The following AMOT variants were observed in gnomAD, a reference collection of about 807,000 sequenced individuals.
AMOT encodes angiomotin.
Under a neutral mutation model 67.0 loss-of-function variants are expected in AMOT, and 11 were observed. The ratio of observed to expected loss-of-function variants is 0.16; its 90% CI spans 0.10 to 0.27. The LOEUF (loss-of-function observed/expected upper bound fraction) is 0.27. AMOT is among the 10% of genes least tolerant of loss of function. AMOT has a pLI of 1.00. For missense variants in AMOT, 753 were observed against 852.0 expected, an observed-to-expected ratio of 0.88 and a Z score of 1.45; for synonymous variants, 326 against 321.4, an observed-to-expected ratio of 1.01 and a Z score of -0.15.
chrX:112,827,757 A>T (rs182867747), intron 2 of AMOT, among the ~76,000 whole-genome samples: 135 of 111,565 alleles, frequency 1.2e-3, no homozygotes, highest in Non-Finnish European at 1.7e-3. Context: ...AAGTCCCAGA[A>T]AATCAACATT....
In AMOT at chrX:112,784,740, G is replaced by A. The variant is rs777544294; in HGVS notation, c.2118-2078C>T. Among the ~76,000 whole-genome samples, 138 of 112,560 alleles carry A rather than the reference G, an allele frequency of 1.2e-3. 6 individuals carry two copies. Among genetic ancestry groups the A allele is most frequent in the Non-Finnish European group, 8.1e-4 (43 of 53,249 alleles). ...GAATTCCAGCTCTTGGTAAAATCCT[G>A]GAAGCAATTCCTGTACTGCAGAATT... is the stretch of plus-strand genomic sequence containing the variant. On this transcript the variant is annotated intron_variant, in intron 10 of 13. Coordinates refer to ENST00000371959, the MANE Select transcript of AMOT (RefSeq NM_001113490.2).
chrX:112,792,507 C>T (rs1933647597), intron 8 of AMOT, among the ~76,000 whole-genome samples: 1 of 112,332 alleles, frequency 8.9e-6, no homozygotes, highest in Non-Finnish European at 1.9e-5. Context: ...GCTGAAGGTA[C>T]AAGAAAGTCA....
intron 1 of AMOT, among the ~76,000 whole-genome samples, chrX:112,839,063 G>T (rs1232067415): frequency 1.8e-5 from 2 of 112,040 alleles, no homozygotes; most frequent in Non-Finnish European, 3.8e-5. Context: ...TAAAATTGTC[G>T]CCCTTCTCTA....
At chrX:112,812,828 G>C in intron 5 of AMOT, among the ~76,000 whole-genome samples, 1 of 111,981 alleles carries the variant, frequency 8.9e-6, no homozygotes, top group East Asian at 2.8e-4. Context: ...GATTCAACCC[G>C]CCTCCATCTC....
intron 10 of AMOT, among the ~76,000 whole-genome samples, chrX:112,790,221 T>C (rs946929091): frequency 9.3e-6 from 1 of 107,919 alleles, no homozygotes; most frequent in African/African-American, 3.4e-5. Context: ...AGTTTCTGAG[T>C]GGTAGTTTCT....
At chrX:112,831,986 G>A (rs1343124910) in intron 2 of AMOT, among the ~76,000 whole-genome samples, 1 of 111,351 alleles carries the variant, frequency 9.0e-6, no homozygotes, top group Non-Finnish European at 1.9e-5. Flanking sequence ...CTGTAGTGTG[G>A]AGAGAAAAAA....
At chrX:112,826,825 TTC>T (rs1347138565) in intron 2 of AMOT, among the ~76,000 whole-genome samples, 1 of 112,078 alleles carries the variant, frequency 8.9e-6, no homozygotes, top group African/African-American at 3.2e-5. Flanking sequence ...TCTTACTCTC[TTC>T]TCTCAATTCT....
chrX:112,791,736 C>T (rs1379384992), intron 9 of AMOT, 96 bp downstream of exon 9: 2 of 1,054,912 alleles, frequency 1.9e-6, no homozygotes, highest in Non-Finnish European at 2.6e-6. Flanking sequence ...TGTGTGCTTT[C>T]AGTGTTCATG....
Position 112,815,383 on chromosome X carries a change from T to A in AMOT, c.1367A>T (p.Tyr456Phe). 1 of 1,210,951 alleles carries A rather than the reference T, an allele frequency of 8.3e-7. No individual in the cohort carries two copies. The highest frequency in any genetic ancestry group is 1.1e-6 in the Non-Finnish European group (1 of 895,057). The change falls in exon 5 of 14, where the codon TAT becomes TTT. Residue 456 changes from tyrosine to phenylalanine, a missense_variant. By Grantham distance (22) the Tyr-to-Phe change is conservative. Coordinates refer to ENST00000371959, the MANE Select transcript of AMOT (RefSeq NM_001113490.2). ...CTTCTGCAGTCTTGCCACCTTCTCA[T>A]AGCATCCTTCCAACTCTTGCCTCAA... ...RNLRQELEGC[Y>F]EKVARLQKVE...
intron 7 of AMOT, among the ~76,000 whole-genome samples, chrX:112,809,623 C>T (rs1934292028): frequency 9.0e-6 from 1 of 111,370 alleles, no homozygotes; most frequent in Non-Finnish European, 1.9e-5. Flanking sequence ...ATTTAGATAG[C>T]AATGACACTA....
At position 112,775,256 on chromosome X, in the gene AMOT, C is replaced by T. The variant is rs912231630; in HGVS notation, c.*3311G>A. ...GGTGGCAATTAGCCCACAGCTGATA[C>T]CTTCCTTTGAAAACATTTTCAGTAA... On this transcript the variant is annotated 3_prime_UTR_variant, in exon 14 of 14. Coordinates refer to ENST00000371959, the MANE Select transcript of AMOT (RefSeq NM_001113490.2). 11 of 112,672 alleles carry T rather than the reference C, an allele frequency of 9.8e-5. No individual in the cohort carries two copies. Among genetic ancestry groups the T allele is most frequent in the African/African-American group, 3.6e-4 (11 of 30,926 alleles). The allele number at this position is 112,672 out of a possible 1,213,427, so 9.3% of individuals were successfully genotyped here.
chrX:112,798,169 T>C (rs1172007178), intron 8 of AMOT, among the ~76,000 whole-genome samples: 1 of 112,083 alleles, frequency 8.9e-6, no homozygotes, highest in East Asian at 2.8e-4. Flanking sequence ...TTAAAATTCT[T>C]CCAGGTCTAC....
At position 112,830,264 on chromosome X, in the gene AMOT, C is replaced by T. The variant is rs140627027; in HGVS notation, c.-212+2030G>A. Among the ~76,000 whole-genome samples the T allele has an allele frequency of 6.3e-4, 71 of 111,823 alleles. 1 individual carries two copies. In the East Asian group the frequency reaches 0.018, roughly 28 times the overall value. The stretch of plus-strand genomic sequence containing the variant: ...TTTTGGATCCTGCATTTCACCTCAC[C>T]ATAAATACTTTTTCCATGTTGTGGC... On this transcript the variant is annotated intron_variant, in intron 2 of 13. Transcript: ENST00000371959.
intron 8 of AMOT, among the ~76,000 whole-genome samples, chrX:112,794,874 T>G (rs1933746127): frequency 9.0e-6 from 1 of 111,681 alleles, no homozygotes; most frequent in Non-Finnish European, 1.9e-5. Context: ...GAACACTCAC[T>G]CCAGATATCC....
intron 1 of AMOT, among the ~76,000 whole-genome samples, chrX:112,832,945 C>A (rs751368985): frequency 8.9e-6 from 1 of 112,026 alleles, no homozygotes; most frequent in Non-Finnish European, 1.9e-5. Context: ...AGCCCCTCCT[C>A]CTCCTGCTGT....
At chrX:112,832,766 C>T (rs186188315) in intron 1 of AMOT, among the ~76,000 whole-genome samples, 136 of 112,118 alleles carry the variant, frequency 1.2e-3, no homozygotes, top group African/African-American at 3.6e-3. Flanking sequence ...CTCCCTGTTT[C>T]GCTGTGCCCC....
chrX:112,818,654 G>A (rs983676446), intron 4 of AMOT, among the ~76,000 whole-genome samples: 2 of 111,804 alleles, frequency 1.8e-5, no homozygotes, highest in Non-Finnish European at 3.8e-5. Flanking sequence ...GAAGCTCCCC[G>A]TGAGAAAAAG....
intron 4 of AMOT, chrX:112,819,363 C>T (rs1165475801): frequency 4.0e-6 from 3 of 752,861 alleles, no homozygotes; most frequent in East Asian, 1.5e-4. Context: ...AATGGTGAAT[C>T]GGTGAATCTG....
At chrX:112,837,638 A>G (rs1935162398) in intron 1 of AMOT, among the ~76,000 whole-genome samples, 1 of 110,256 alleles carries the variant, frequency 9.1e-6, no homozygotes, top group African/African-American at 3.3e-5. Flanking sequence ...CCTGTTTAAT[A>G]CCCCCTTAGT....
Sources: gnomAD v4.1 joint callset for allele counts (sites outside exome capture counted in the v4.1 genomes callset) on GRCh38, gnomAD v4.1.1 for gene constraint, MANE v1.5 for transcripts, NCBI Gene and HGNC (gene_info 2026-07-23, HGNC 2026-07-21) for gene names.